The following RAB3C variants were observed in gnomAD, a reference collection of about 807,000 sequenced individuals.
The protein encoded by RAB3C is ras-related protein Rab-3C.
In RAB3C, 17 loss-of-function variants were observed where a neutral mutation model predicts 26.4. The ratio of observed to expected loss-of-function variants is 0.64; its 90% CI spans 0.44 to 0.97. The LOEUF (loss-of-function observed/expected upper bound fraction) is 0.97. Ranked by LOEUF, RAB3C falls within the 50% of genes least tolerant of loss-of-function variation. The pLI is 0.00. For missense variants in RAB3C, 242 were observed against 281.9 expected, an observed-to-expected ratio of 0.86 and a Z score of 1.01; for synonymous variants, 91 against 95.9, an observed-to-expected ratio of 0.95 and a Z score of 0.30.
In RAB3C at chr5:58,833,610, G is replaced by A. The variant is rs555242379; in HGVS notation, c.496+8448G>A. ...CTGAGTAACAGATTAAAATCATTGTGGAGGGAGAATTTCGGAGTAAAATCA... is the reference window on the plus strand; with the variant it reads ...CTGAGTAACAGATTAAAATCATTGTAGAGGGAGAATTTCGGAGTAAAATCA... On this transcript the variant is annotated intron_variant, in intron 4 of 4. Coordinates refer to ENST00000282878, the MANE Select transcript of RAB3C (RefSeq NM_138453.4). 7.2e-5 allele frequency among the ~76,000 whole-genome samples: 11 copies of A among 152,202 alleles called. No homozygotes were observed. The South Asian group carries it at 2.3e-3, about 32-fold the overall frequency.
chr5:58,725,827 A>C (rs889039669), intron 2 of RAB3C, among the ~76,000 whole-genome samples, 175 bp from the exon 3 acceptor site: 1 of 151,944 alleles, frequency 6.6e-6, no homozygotes, highest in Non-Finnish European at 1.5e-5. Flanking sequence ...ATTATGTATC[A>C]GTAAAAAAAT....
chr5:58,819,109 G>A (rs897878091), intron 3 of RAB3C, among the ~76,000 whole-genome samples: 1 of 152,194 alleles, frequency 6.6e-6, no homozygotes, highest in Non-Finnish European at 1.5e-5. Context: ...CTGCCCAAGA[G>A]GAGACTAATA....
At position 58,605,387 on chromosome 5, in the gene RAB3C, G is replaced by T. The variant is rs547585579; in HGVS notation, c.25-12256G>T. Among the ~76,000 whole-genome samples, 5 of 152,184 alleles carry T rather than the reference G, an allele frequency of 3.3e-5. No homozygotes were observed. The East Asian group carries it at 7.7e-4, about 24-fold the overall frequency. The stretch of plus-strand genomic sequence containing the variant: ...TCATCTTTAAAATGGAGATGATTTT[G>T]GTTCTGCATGTGAGGAGCTTGGAAG... On this transcript the variant is annotated intron_variant, in intron 1 of 4. Transcript: ENST00000282878.
chr5:58,637,531 A>G (rs149358642), intron 2 of RAB3C, among the ~76,000 whole-genome samples: 175 of 152,296 alleles, frequency 1.1e-3, no homozygotes, highest in Non-Finnish European at 1.2e-3. Flanking sequence ...AACTCTTTAA[A>G]TTTTGGATAT....
At chr5:58,796,179 G>T in intron 3 of RAB3C, among the ~76,000 whole-genome samples, 1 of 152,152 alleles carries the variant, frequency 6.6e-6, no homozygotes, top group East Asian at 1.9e-4. Context: ...ATTTTATGGT[G>T]TTTGCTCCAA....
intron 3 of RAB3C, among the ~76,000 whole-genome samples, chr5:58,809,514 C>T (rs1743021325): frequency 6.6e-6 from 1 of 151,960 alleles, no homozygotes; most frequent in Non-Finnish European, 1.5e-5. Flanking sequence ...CTACAGGAAA[C>T]TCCTCAAATT....
chr5:58,827,392 A>G (rs1437251776), intron 4 of RAB3C, among the ~76,000 whole-genome samples: 1 of 152,218 alleles, frequency 6.6e-6, no homozygotes, highest in African/African-American at 2.4e-5. Context: ...ATATATATGT[A>G]TCTCCAAGCC....
rs1173571718 is a variant in RAB3C, at chr5:58,720,271, C to T, written c.253-5731C>T. Among the ~76,000 whole-genome samples, 3 of 151,894 alleles carry T rather than the reference C, an allele frequency of 2.0e-5. No homozygotes were observed. The East Asian group carries it at 5.8e-4, about 30-fold the overall frequency. ...TATGGTATTCCTAATTAAGTGCTCT[C>T]AATGTGTAGAATTTTAAAATGTACA... is the stretch of plus-strand genomic sequence containing the variant. On this transcript the variant is annotated intron_variant, in intron 2 of 4. Transcript: ENST00000282878.
At chr5:58,613,317 C>T (rs1408097529) in intron 1 of RAB3C, among the ~76,000 whole-genome samples, 1 of 152,118 alleles carries the variant, frequency 6.6e-6, no homozygotes, top group Non-Finnish European at 1.5e-5. Context: ...TTTTGAATTC[C>T]TTAATGACAT....
intron 2 of RAB3C, among the ~76,000 whole-genome samples, chr5:58,697,659 T>A (rs1034670814): frequency 2.0e-5 from 3 of 152,238 alleles, no homozygotes; most frequent in Non-Finnish European, 4.4e-5. Flanking sequence ...GTTGAATTGA[T>A]CCCTTTACCA....
chr5:58,668,598 C>T (rs1473335759), intron 2 of RAB3C, among the ~76,000 whole-genome samples: 1 of 152,070 alleles, frequency 6.6e-6, no homozygotes, highest in South Asian at 2.1e-4. Flanking sequence ...ATATTTGAGG[C>T]ATAATCAGGG....
chr5:58,764,004 G>T (rs1331287377), intron 3 of RAB3C, among the ~76,000 whole-genome samples: 1 of 152,138 alleles, frequency 6.6e-6, no homozygotes, highest in Admixed American at 6.5e-5. Flanking sequence ...TCTTCTCATT[G>T]AATAAGGTTT....
chr5:58,856,087 A>T lies in RAB3C; in HGVS notation c.*4736A>T, dbSNP rs1398463671. 6.6e-6 allele frequency: 1 copy of T among 152,048 alleles called. No homozygotes were observed. Among genetic ancestry groups the T allele is most frequent in the East Asian group, 1.9e-4 (1 of 5,182 alleles). The allele number at this position is 152,048 out of a possible 1,614,324, so 9.4% of individuals were successfully genotyped here. ...GTACAAAGGTATCAGGCAAACACTG[A>T]TACTTTTTTTTAAGAAGGCAAAATT... On this transcript the variant is annotated 3_prime_UTR_variant, in exon 5 of 5. Coordinates refer to ENST00000282878, the MANE Select transcript of RAB3C (RefSeq NM_138453.4).
At chr5:58,601,587 TC>T (rs1746457762) in intron 1 of RAB3C, among the ~76,000 whole-genome samples, 1 of 152,118 alleles carries the variant, frequency 6.6e-6, no homozygotes, top group African/African-American at 2.4e-5. Flanking sequence ...TTGTATTTTT[TC>T]CAGGAATTTA....
At chr5:58,800,707 T>C (rs946209218) in intron 3 of RAB3C, among the ~76,000 whole-genome samples, 7 of 152,164 alleles carry the variant, frequency 4.6e-5, no homozygotes, top group African/African-American at 1.7e-4. Context: ...TTCTTCTGAA[T>C]GGAATTCTTT....
chr5:58,621,806 C>T (rs969682691), intron 2 of RAB3C, among the ~76,000 whole-genome samples: 21 of 152,028 alleles, frequency 1.4e-4, no homozygotes, highest in African/African-American at 4.1e-4. Context: ...AAACTCCTGA[C>T]CTCAAGTGAT....
chr5:58,676,864 C>T (rs1466500056), intron 2 of RAB3C, among the ~76,000 whole-genome samples: 1 of 152,064 alleles, frequency 6.6e-6, no homozygotes, highest in African/African-American at 2.4e-5. Context: ...AATGTATTTT[C>T]TGGCTTCTAG....
chr5:58,846,218 G>C (rs991212180), intron 4 of RAB3C, among the ~76,000 whole-genome samples: 31 of 151,948 alleles, frequency 2.0e-4, no homozygotes, highest in African/African-American at 7.3e-4. Flanking sequence ...CTACCTTTTG[G>C]CTATCGTGAA....
At chr5:58,844,399 C>T (rs1169651664) in intron 4 of RAB3C, among the ~76,000 whole-genome samples, 3 of 152,156 alleles carry the variant, frequency 2.0e-5, no homozygotes, top group Non-Finnish European at 2.9e-5. Context: ...TGGTTGAGCT[C>T]CTATTCTTGC....
Sources: gnomAD v4.1 joint callset for allele counts (sites outside exome capture counted in the v4.1 genomes callset) on GRCh38, gnomAD v4.1.1 for gene constraint, MANE v1.5 for transcripts, NCBI Gene and HGNC (gene_info 2026-07-23, HGNC 2026-07-21) for gene names.